The following SUFU variants were observed in gnomAD, a reference collection of about 807,000 sequenced individuals.
SUFU encodes the protein SUFU negative regulator of hedgehog signaling, also known as suppressor of fused homolog.
Under a neutral mutation model 58.9 loss-of-function variants are expected in SUFU, and 7 were observed. That is an observed-to-expected ratio of 0.12 (90% CI 0.07 to 0.22). The LOEUF (loss-of-function observed/expected upper bound fraction) is 0.22. Among genes scored for constraint, SUFU ranks in the 10% least tolerant of loss-of-function variants. The probability of loss-of-function intolerance (pLI) is 1.00; values close to 1 mark genes in which losing one functional copy is unlikely to be tolerated. For missense variants in SUFU, 451 were observed against 641.3 expected (o/e 0.70, Z 3.20); for synonymous variants, 232 against 254.8 (o/e 0.91, Z 0.85).
At chr10:102,524,450 C>A (rs1490500368) in intron 2 of SUFU, among the ~76,000 whole-genome samples, 1 of 151,592 alleles carries the variant, frequency 6.6e-6, no homozygotes, top group Middle Eastern at 3.2e-3. Flanking sequence ...CTCACCCTCC[C>A]AAGTAGCTGG....
Position 102,617,469 on chromosome 10 carries a change from A to G in SUFU, c.1296+41A>G. ...TTCTTCTCCCTCCTTCCTTTCATAG[A>G]CTTCCTTGCCCACCCCTCCTCTTCT... On this transcript the variant is annotated intron_variant, in intron 10 of 11. Transcript: ENST00000369902. The surrounding 1 kb of genome is among the most constrained non-coding windows in gnomAD (Gnocchi z 4.4). 1.2e-6 allele frequency: 2 copies of G among 1,613,742 alleles called. No homozygotes were observed. The highest frequency in any genetic ancestry group is 2.2e-5 in the South Asian group (2 of 91,086).
chr10:102,617,812 AATGGCTAC>A lies in SUFU; in HGVS notation c.1296+389_1296+396del. ...GGAGGATGTGTGGAGGCCACTCTCCAATGGCTACATGGAAATCCCACCAGAATTCAGAC... is the reference window on the plus strand; with the variant it reads ...GGAGGATGTGTGGAGGCCACTCTCCAATGGAAATCCCACCAGAATTCAGAC... On this transcript the variant is annotated intron_variant, in intron 10 of 11. Coordinates refer to ENST00000369902, the MANE Select transcript of SUFU (RefSeq NM_016169.4). The surrounding 1 kb of genome is among the most constrained non-coding windows in gnomAD (Gnocchi z 4.4). 1 of 482,208 alleles carries A rather than the reference AATGGCTAC, an allele frequency of 2.1e-6. No homozygotes were observed. The highest frequency in any genetic ancestry group is 3.6e-6 in the Non-Finnish European group (1 of 275,192). The allele number at this position is 482,208 out of a possible 1,614,324, so 29.9% of individuals were successfully genotyped here. A position where few individuals can be genotyped will look rare whatever the true frequency, so the allele number is the denominator to read the frequency against.
rs749802616 is a variant in SUFU at position 102,615,336 on chromosome 10, G to A, written c.1091G>A (p.Arg364Gln). The A allele has an allele frequency of 3.7e-6, 6 of 1,614,000 alleles. No homozygotes were observed. The highest frequency in any genetic ancestry group is 2.2e-5 in the East Asian group (1 of 44,888). ...AIIPHELIRTRQLESVHLKFN... is the reference protein window; with the variant it reads ...AIIPHELIRTQQLESVHLKFN... ...ATTCCCCATGAGCTGATTCGCACGC[G>A]GCAGCTTGAGAGCGTACATCTGAAA... Residue 364 changes from arginine (R) to glutamine (Q), a missense_variant, in exon 9 of 12, where the codon CGG becomes CAG. Coordinates refer to ENST00000369902, the MANE Select transcript of SUFU (RefSeq NM_016169.4).
chr10:102,613,829 C>T (rs549527021), intron 8 of SUFU, among the ~76,000 whole-genome samples: 187 of 152,298 alleles, frequency 1.2e-3, no homozygotes, highest in Admixed American at 2.2e-3. Context: ...GTGTCCCAGC[C>T]GTGGGCCGCA....
upstream of SUFU, among the ~76,000 whole-genome samples, chr10:102,503,583 T>C (rs972489442): frequency 3.9e-5 from 6 of 152,168 alleles, no homozygotes; most frequent in Non-Finnish European, 7.4e-5. Flanking sequence ...TCAATAGCCC[T>C]AGAAAACATT....
chr10:102,541,861 G>A (rs1409913481), intron 2 of SUFU, among the ~76,000 whole-genome samples: 14 of 141,040 alleles, frequency 9.9e-5, no homozygotes, highest in Non-Finnish European at 1.4e-4. Flanking sequence ...GGTGTACACC[G>A]CCATGCCCGG....
intron 1 of SUFU, among the ~76,000 whole-genome samples, chr10:102,506,667 G>A (rs1002057625): frequency 6.6e-6 from 1 of 152,200 alleles, no homozygotes; most frequent in Non-Finnish European, 1.5e-5. Flanking sequence ...GCGTGAGCCA[G>A]TGCGACCAGC....
chr10:102,575,217 A>T (rs188210510), intron 3 of SUFU, among the ~76,000 whole-genome samples: 530 of 152,238 alleles, frequency 3.5e-3, no homozygotes, highest in Middle Eastern at 6.8e-3. Flanking sequence ...TTGTCTCAAA[A>T]TTTTTTTAAA....
chr10:102,599,580 G>A (rs1484943249), intron 8 of SUFU, 36 bp downstream of exon 8: 1 of 1,580,938 alleles, frequency 6.3e-7, no homozygotes, highest in Non-Finnish European at 8.7e-7. Flanking sequence ...GGAACAAGAG[G>A]ACGACTTTTT....
chr10:102,518,259 A>G (rs896960134), intron 2 of SUFU, among the ~76,000 whole-genome samples: 2 of 152,186 alleles, frequency 1.3e-5, no homozygotes, highest in African/African-American at 4.8e-5. Flanking sequence ...AGAAATGTTA[A>G]GGAACTCATC....
Position 102,631,438 on chromosome 10 carries a change from G to C in SUFU, c.*1283G>C, listed in dbSNP as rs1181014932. On this transcript the variant is annotated 3_prime_UTR_variant, in exon 12 of 12. Coordinates refer to ENST00000369902, the MANE Select transcript of SUFU (RefSeq NM_016169.4). Reference sequence around the variant, plus strand: ...CCTATCTCTAGCCCATGGTTTTGGAGTTCCTCTCGGGTTATCTCCCACGCC... The same window carrying C: ...CCTATCTCTAGCCCATGGTTTTGGACTTCCTCTCGGGTTATCTCCCACGCC... 4.3e-6 allele frequency: 1 copy of C among 233,446 alleles called. No homozygotes were observed. The highest frequency in any genetic ancestry group is 6.0e-5 in the East Asian group (1 of 16,608). 14.5% of individuals were successfully genotyped at this position (233,446 alleles called of 1,614,324 possible).
chr10:102,621,332 TG>T (rs2063738678), intron 10 of SUFU, among the ~76,000 whole-genome samples: 2 of 152,154 alleles, frequency 1.3e-5, no homozygotes, highest in Admixed American at 1.3e-4. Flanking sequence ...GCAATGCGCC[TG>T]GGGAAGTACC....
At chr10:102,519,857 C>T (rs946832260) in intron 2 of SUFU, among the ~76,000 whole-genome samples, 4 of 152,012 alleles carry the variant, frequency 2.6e-5, no homozygotes, top group African/African-American at 9.7e-5. Flanking sequence ...CTGCAACCTC[C>T]GTTTCCTGGG....
chr10:102,508,740 C>T (rs563493502), intron 1 of SUFU, among the ~76,000 whole-genome samples: 14 of 152,320 alleles, frequency 9.2e-5, no homozygotes, highest in African/African-American at 3.4e-4. Context: ...CTTCCAGGAA[C>T]AATGCCCATT....
At chr10:102,537,427 A>C (rs1314576098) in intron 2 of SUFU, among the ~76,000 whole-genome samples, 1 of 152,192 alleles carries the variant, frequency 6.6e-6, no homozygotes, top group Non-Finnish European at 1.5e-5. Flanking sequence ...CACTGCACCC[A>C]GCCCAAAATT....
intron 8 of SUFU, among the ~76,000 whole-genome samples, chr10:102,610,968 C>T (rs1005334385): frequency 2.0e-5 from 3 of 152,160 alleles, no homozygotes; most frequent in Non-Finnish European, 4.4e-5. Flanking sequence ...GTAGATAATT[C>T]GATGACAGTT....
intron 2 of SUFU, among the ~76,000 whole-genome samples, chr10:102,511,414 G>A (rs1366777502): frequency 6.6e-6 from 1 of 151,686 alleles, no homozygotes; most frequent in Non-Finnish European, 1.5e-5. Flanking sequence ...TGCTTAACCT[G>A]GGCAGGTTGA....
At chr10:102,580,029 A>ACCCCCCCCCCCCCCCCC (rs71474507) in intron 3 of SUFU, among the ~76,000 whole-genome samples, 2 of 84,662 alleles carry the variant, frequency 2.4e-5, no homozygotes, top group Non-Finnish European at 4.9e-5. Flanking sequence ...CCTCCCCCGC[A>ACCCCCCCCCCCCCCCCC]CCCCCCCCCC....
chr10:102,593,514 C>A, intron 4 of SUFU, 122 bp from the exon 5 acceptor site: 1 of 997,544 alleles, frequency 1.0e-6, no homozygotes. Flanking sequence ...GCACCAGCTC[C>A]TGAGCACAGA....
Sources: gnomAD v4.1 joint callset for allele counts (sites outside exome capture counted in the v4.1 genomes callset) on GRCh38, gnomAD v4.1.1 for gene constraint, Gnocchi (gnomAD v3.1) non-coding constraint, MANE v1.5 for transcripts, NCBI Gene and HGNC (gene_info 2026-07-23, HGNC 2026-07-21) for gene names.